LDHAL6A: variants seen among roughly 807,000 people sequenced by gnomAD.
The protein encoded by LDHAL6A is lactate dehydrogenase A like 6A, also known as L-lactate dehydrogenase A-like 6A.
Under a neutral mutation model 28.2 loss-of-function variants are expected in LDHAL6A, and 19 were observed. That is an observed-to-expected ratio of 0.67 (90% CI 0.47 to 0.99). LDHAL6A has a LOEUF of 0.99. Among genes scored for constraint, LDHAL6A ranks in the 50% least tolerant of loss-of-function variants. LDHAL6A has a pLI of 0.00. For missense variants in LDHAL6A, 372 were observed against 398.6 expected (o/e 0.93, Z 0.57); for synonymous variants, 144 against 134.4 (o/e 1.07, Z -0.49).
At chr11:18,465,533 C>T in intron 2 of LDHAL6A, 104 bp from the exon 3 acceptor site, 1 of 858,892 alleles carries the variant, frequency 1.2e-6, no homozygotes, top group Non-Finnish European at 1.7e-6. Flanking sequence ...TAAGGGAACC[C>T]ACTCTTTGGT....
chr11:18,473,272 G>A (rs189884937), intron 3 of LDHAL6A, among the ~76,000 whole-genome samples: 1 of 152,238 alleles, frequency 6.6e-6, no homozygotes, highest in East Asian at 1.9e-4. Context: ...TCCTATAGTA[G>A]CTCCTCAAAG....
chr11:18,468,395 G>A (rs1353491365), intron 3 of LDHAL6A: 1 of 151,278 alleles, frequency 6.6e-6, no homozygotes, highest in East Asian at 2.0e-4. Flanking sequence ...CTGGAGTGCA[G>A]TGGCATGATC....
chr11:18,459,234 C>G (rs192072883), intron 1 of LDHAL6A, among the ~76,000 whole-genome samples: 1 of 152,134 alleles, frequency 6.6e-6, no homozygotes, highest in African/African-American at 2.4e-5. Flanking sequence ...GCTGCCAGCA[C>G]GTCTAGGATA....
intron 2 of LDHAL6A, among the ~76,000 whole-genome samples, chr11:18,464,977 G>GTTTTTTTGTTTTTTTTTTTTTTTTTT (rs1565068683): frequency 3.2e-5 from 4 of 125,564 alleles, no homozygotes; most frequent in Admixed American, 2.5e-4. Flanking sequence ...TGTTTTTTTT[G>GTTTTTTTGTTTTTTTTTTTTTTTTTT]TTTTTTTTTG....
rs1278544034 is a variant in LDHAL6A at position 18,462,721 on chromosome 11, T to C, written c.127-1240T>C. ...GGTGGTGCATGCCTGTAATCCCAGC[T>C]ACTCAGGAAGCTGAGGCAGGAGAAT... On this transcript the variant is annotated intron_variant, in intron 1 of 6. Transcript: ENST00000280706. 4.0e-5 allele frequency among the ~76,000 whole-genome samples: 6 copies of C among 150,602 alleles called. No individual in the cohort carries two copies. In the East Asian group the frequency reaches 1.2e-3, roughly 29 times the overall value.
chr11:18,471,085 G>GA (rs1398677678), intron 3 of LDHAL6A, among the ~76,000 whole-genome samples: 1 of 151,962 alleles, frequency 6.6e-6, no homozygotes, highest in Non-Finnish European at 1.5e-5. Context: ...ATATGAATGT[G>GA]AAATTTTAAA....
chr11:18,476,017 GAGAA>G (rs1204352679), intron 4 of LDHAL6A, among the ~76,000 whole-genome samples: 1 of 152,052 alleles, frequency 6.6e-6, no homozygotes, highest in Non-Finnish European at 1.5e-5. Flanking sequence ...TAAGAAGGAA[GAGAA>G]AGAGTGCTGT....
chr11:18,464,977 G>GTTTTTTTTGTTTTT (rs1849016188), intron 2 of LDHAL6A, among the ~76,000 whole-genome samples: 10 of 125,472 alleles, frequency 8.0e-5, no homozygotes, highest in African/African-American at 1.7e-4. Context: ...TGTTTTTTTT[G>GTTTTTTTTGTTTTT]TTTTTTTTTG....
chr11:18,465,974 A>C (rs1365046529), intron 3 of LDHAL6A, among the ~76,000 whole-genome samples, 164 bp downstream of exon 3: 3 of 151,046 alleles, frequency 2.0e-5, no homozygotes, highest in Admixed American at 6.6e-5. Context: ...TGCTGCTCTC[A>C]CTCCCTCCCT....
At chr11:18,463,530 CT>C (rs201827754) in intron 1 of LDHAL6A, among the ~76,000 whole-genome samples, 1 of 152,174 alleles carries the variant, frequency 6.6e-6, no homozygotes, top group African/African-American at 2.4e-5. Flanking sequence ...ATTCAAAAAA[CT>C]TTTACTGAGC....
chr11:18,460,434 A>G (rs1018248259), intron 1 of LDHAL6A, among the ~76,000 whole-genome samples: 18 of 151,782 alleles, frequency 1.2e-4, no homozygotes, highest in African/African-American at 3.9e-4. Context: ...TCTACTAAAA[A>G]TATAAAAAAC....
chr11:18,475,662 C>T (rs1455428344), intron 4 of LDHAL6A, 23 bp downstream of exon 4: 1 of 1,592,414 alleles, frequency 6.3e-7, no homozygotes, highest in African/African-American at 1.4e-5. Context: ...CACGATTGAG[C>T]CTCTGAAATA....
Position 18,456,809 on chromosome 11 carries a change from A to G in LDHAL6A, c.126+3A>G. The G allele has an allele frequency of 2.5e-6, 4 of 1,612,418 alleles. No individual in the cohort carries two copies. In the South Asian group the frequency reaches 4.4e-5, roughly 18 times the overall value. ...GTGCTATCAGCATCTTATTAAAAGTAAGTTGTGTGCTCTGCACCACAGGGT... is the reference window on the plus strand; with the variant it reads ...GTGCTATCAGCATCTTATTAAAAGTGAGTTGTGTGCTCTGCACCACAGGGT... On this transcript the variant is annotated splice_donor_region_variant and intron_variant, in intron 1 of 6. Coordinates refer to ENST00000280706, the MANE Select transcript of LDHAL6A (RefSeq NM_144972.5).
At chr11:18,475,379 C>T (rs1849346891) in intron 3 of LDHAL6A, 87 bp from the exon 4 acceptor site, 1 of 1,052,094 alleles carries the variant, frequency 9.5e-7, no homozygotes, top group African/African-American at 1.6e-5. Context: ...CACAAAACAT[C>T]AGATTTACTA....
intron 3 of LDHAL6A, 165 bp from the exon 4 acceptor site, chr11:18,475,301 T>G (rs895374553): frequency 1.8e-6 from 1 of 563,892 alleles, no homozygotes; most frequent in Non-Finnish European, 3.2e-6. Context: ...TTACTTCTAT[T>G]TGGTAGATAT....
intron 1 of LDHAL6A, among the ~76,000 whole-genome samples, chr11:18,458,495 C>T (rs1848815997): frequency 6.6e-6 from 1 of 152,160 alleles, no homozygotes; most frequent in Admixed American, 6.5e-5. Flanking sequence ...CTAACTATGG[C>T]ATTTGTATAT....
chr11:18,474,120 C>T (rs1849311442), intron 3 of LDHAL6A, among the ~76,000 whole-genome samples: 1 of 152,098 alleles, frequency 6.6e-6, no homozygotes, highest in Non-Finnish European at 1.5e-5. Flanking sequence ...TGCTCTGTCG[C>T]CCAGGCTGGA....
At chr11:18,467,878 CACATATATAT>C (rs1404999660) in intron 3 of LDHAL6A, among the ~76,000 whole-genome samples, 735 of 36,312 alleles carry the variant, frequency 0.02, 92 homozygotes, top group African/African-American at 0.083. Flanking sequence ...TATATATACA[CACATATATAT>C]ATATATATAT....
At chr11:18,466,188 C>T (rs1193609737) in intron 3 of LDHAL6A, among the ~76,000 whole-genome samples, 1 of 152,114 alleles carries the variant, frequency 6.6e-6, no homozygotes, top group Non-Finnish European at 1.5e-5. Context: ...TTTATTTTCA[C>T]TGTTCAGTGA....
Sources: gnomAD v4.1 joint callset for allele counts (sites outside exome capture counted in the v4.1 genomes callset) on GRCh38, gnomAD v4.1.1 for gene constraint, MANE v1.5 for transcripts, NCBI Gene and HGNC (gene_info 2026-07-23, HGNC 2026-07-21) for gene names.